Variants in NFATC1 observed in about 807,000 individuals in gnomAD.
The protein encoded by NFATC1 is nuclear factor of activated T-cells, cytoplasmic 1.
Under a neutral mutation model 76.0 loss-of-function variants are expected in NFATC1, and 22 were observed. That is an observed-to-expected ratio of 0.29 (90% CI 0.21 to 0.41). NFATC1 has a LOEUF of 0.41. Among genes scored for constraint, NFATC1 ranks in the 10% least tolerant of loss-of-function variants. NFATC1 has a pLI of 1.00. For synonymous variants in NFATC1, 704 were observed against 613.1 expected, an observed-to-expected ratio of 1.15 and a Z score of -2.19; for missense variants, 1,357 against 1,337.7, an observed-to-expected ratio of 1.01 and a Z score of -0.23.
chr18:79,419,046 C>G (rs1248258184), intron 2 of NFATC1, among the ~76,000 whole-genome samples: 1 of 152,030 alleles, frequency 6.6e-6, no homozygotes, highest in East Asian at 1.9e-4. Context: ...TTTTTTTGAG[C>G]CAGGGTCTTG....
chr18:79,416,349 T>C (rs2085875369), intron 2 of NFATC1, among the ~76,000 whole-genome samples: 1 of 152,212 alleles, frequency 6.6e-6, no homozygotes, highest in Non-Finnish European at 1.5e-5. Flanking sequence ...TGCGTTTGAA[T>C]GCCCTTTGCT....
At chr18:79,443,922 T>C (rs1011579473) in intron 3 of NFATC1, among the ~76,000 whole-genome samples, 1 of 152,162 alleles carries the variant, frequency 6.6e-6, no homozygotes, top group African/African-American at 2.4e-5. Flanking sequence ...CCAGGGCTCA[T>C]GATGCCAACA....
At chr18:79,438,844 G>A (rs906577753) in intron 3 of NFATC1, among the ~76,000 whole-genome samples, 3 of 152,320 alleles carry the variant, frequency 2.0e-5, no homozygotes, top group Admixed American at 6.5e-5. Flanking sequence ...CAGTGGCCTT[G>A]GTGGGCCTCT....
At chr18:79,474,412 TCTCA>T (rs1243012341) in intron 8 of NFATC1, among the ~76,000 whole-genome samples, 18 of 145,180 alleles carry the variant, frequency 1.2e-4, no homozygotes, top group South Asian at 6.6e-4. Context: ...AAGCGTGTTC[TCTCA>T]CTGTCAACTT....
intron 1 of NFATC1, among the ~76,000 whole-genome samples, chr18:79,398,433 G>C (rs549146115): frequency 6.6e-6 from 1 of 152,250 alleles, no homozygotes; most frequent in East Asian, 1.9e-4. Flanking sequence ...ATGCGTCCAA[G>C]CTAAACATTT....
chr18:79,451,198 C>T, intron 5 of NFATC1, 72 bp downstream of exon 5: 2 of 1,511,030 alleles, frequency 1.3e-6, no homozygotes, highest in Non-Finnish European at 1.8e-6. Flanking sequence ...CTCACCCGCT[C>T]TCAGCTTTTC....
At chr18:79,429,948 T>G (rs1014037993) in intron 2 of NFATC1, among the ~76,000 whole-genome samples, 1 of 152,178 alleles carries the variant, frequency 6.6e-6, no homozygotes, top group African/African-American at 2.4e-5. Flanking sequence ...TTAAATGTGT[T>G]TAGATTCACA....
chr18:79,467,296 C>T (rs1046344344), intron 7 of NFATC1, among the ~76,000 whole-genome samples, 154 bp from the exon 8 acceptor site: 15 of 133,810 alleles, frequency 1.1e-4, no homozygotes, highest in African/African-American at 4.4e-4. Flanking sequence ...CCTGTGCTGC[C>T]GTGGAAACGC....
At chr18:79,416,842 G>A (rs959957388) in intron 2 of NFATC1, among the ~76,000 whole-genome samples, 1 of 152,172 alleles carries the variant, frequency 6.6e-6, no homozygotes, top group African/African-American at 2.4e-5. Context: ...AACCTGTCCT[G>A]CTGTTTCCTG....
At chr18:79,414,958 A>G (rs973697805) in intron 2 of NFATC1, among the ~76,000 whole-genome samples, 4 of 152,180 alleles carry the variant, frequency 2.6e-5, no homozygotes, top group African/African-American at 9.7e-5. Context: ...GCTTTTAAAG[A>G]TTTCATATTG....
intron 2 of NFATC1, among the ~76,000 whole-genome samples, chr18:79,427,016 C>T (rs971382049): frequency 7.9e-5 from 12 of 152,208 alleles, no homozygotes; most frequent in African/African-American, 2.7e-4. Context: ...TCCATGTCTG[C>T]AGCAGCCACG....
At chr18:79,400,825 C>CCTCCTCCCTGTTCCCT (rs2085190135) in intron 1 of NFATC1, among the ~76,000 whole-genome samples, 4 of 23,570 alleles carry the variant, frequency 1.7e-4, no homozygotes, top group Admixed American at 7.9e-4. Flanking sequence ...ACCTCCCCGA[C>CCTCCTCCCTGTTCCCT]CCCCCGACCC....
intron 2 of NFATC1, among the ~76,000 whole-genome samples, chr18:79,418,909 G>C (rs967311740): frequency 6.6e-6 from 1 of 152,196 alleles, no homozygotes; most frequent in African/African-American, 2.4e-5. Context: ...GTGTGTGGAA[G>C]GGCTGGGGCA....
intron 9 of NFATC1, among the ~76,000 whole-genome samples, chr18:79,510,927 C>T (rs1049009397): frequency 6.6e-6 from 1 of 152,152 alleles, no homozygotes; most frequent in Non-Finnish European, 1.5e-5. Context: ...GCTCCTCCGC[C>T]GGGGCATCCT....
intron 2 of NFATC1, among the ~76,000 whole-genome samples, chr18:79,424,961 C>G (rs1049400519): frequency 3.6e-5 from 5 of 139,172 alleles, no homozygotes; most frequent in South Asian, 2.2e-4. Context: ...CTGTGTCTGT[C>G]TCTCCGTCTC....
chr18:79,419,769 C>T (rs1375327874), intron 2 of NFATC1, among the ~76,000 whole-genome samples: 2 of 152,158 alleles, frequency 1.3e-5, no homozygotes, highest in Non-Finnish European at 2.9e-5. Flanking sequence ...TTTTGAGCAG[C>T]GGGATAGGTG....
At chr18:79,502,485 C>T (rs76714050) in intron 9 of NFATC1, among the ~76,000 whole-genome samples, 9,703 of 151,988 alleles carry the variant, frequency 0.064, 411 homozygotes, top group Admixed American at 0.097. Flanking sequence ...TGGAACCTCA[C>T]CAAAATTTAA....
chr18:79,474,791 C>T (rs1313452842), intron 8 of NFATC1, among the ~76,000 whole-genome samples: 2 of 136,774 alleles, frequency 1.5e-5, no homozygotes, highest in Non-Finnish European at 3.1e-5. Flanking sequence ...GCGAGGGAAG[C>T]GTTTTCACAC....
intron 2 of NFATC1, among the ~76,000 whole-genome samples, chr18:79,423,559 C>CCG (rs1461921860): frequency 5.3e-5 from 8 of 152,194 alleles, no homozygotes; most frequent in Admixed American, 5.2e-4. Flanking sequence ...AGGCCATGGG[C>CCG]CGCTGGTGCC....
Sources: gnomAD v4.1 joint callset for allele counts (sites outside exome capture counted in the v4.1 genomes callset) on GRCh38, gnomAD v4.1.1 for gene constraint, MANE v1.5 for transcripts, NCBI Gene and HGNC (gene_info 2026-07-23, HGNC 2026-07-21) for gene names.